CALR: variants seen among roughly 807,000 people sequenced by gnomAD.
The protein encoded by CALR is CRP55.
CALR carries 15 observed loss-of-function variants against 51.1 expected under a neutral mutation model. The observed-to-expected ratio is 0.29, with a 90% CI of 0.20 to 0.45. The LOEUF (loss-of-function observed/expected upper bound fraction) is 0.45, where lower values mean the gene tolerates loss of function less well. CALR is among the 20% of genes least tolerant of loss of function. CALR has a pLI of 1.00. For missense variants in CALR, 477 were observed against 530.6 expected, an observed-to-expected ratio of 0.90 and a Z score of 0.99; for synonymous variants, 239 against 205.9, an observed-to-expected ratio of 1.16 and a Z score of -1.38.
rs1568450018 is a variant in CALR, at chr19:12,944,089, C to CCTTT, written c.*176_*177insCTTT. ...CACTCTCCCCCACCCCCTCCCCGCC[C>CCTTT]TTTTTTTTTTTTTTTTTTAAACTGG... On this transcript the variant is annotated 3_prime_UTR_variant, in exon 9 of 9. Transcript: ENST00000316448. 6.6e-6 allele frequency: 4 copies of CCTTT among 602,112 alleles called. No homozygotes were observed. Among genetic ancestry groups the CCTTT allele is most frequent in the Admixed American group, 3.9e-5 (1 of 25,870 alleles). The allele number at this position is 602,112 out of a possible 1,614,324, so 37.3% of individuals were successfully genotyped here.
rs748690113 is a variant in CALR at position 12,938,637 on chromosome 19, G to A, written c.-43G>A. ...CGTACTGCAGAGCCGCTGCCGGAGG[G>A]TCGTTTTAAAGGGCCCGCGCGTTGC... is the stretch of plus-strand genomic sequence containing the variant. On this transcript the variant is annotated 5_prime_UTR_variant, in exon 1 of 9. Coordinates refer to ENST00000316448, the MANE Select transcript of CALR (RefSeq NM_004343.4). 1.4e-6 allele frequency: 2 copies of A among 1,480,026 alleles called. No individual in the cohort carries two copies. Among genetic ancestry groups the A allele is most frequent in the East Asian group, 4.7e-5 (2 of 42,130 alleles). 91.7% of individuals were successfully genotyped at this position (1,480,026 alleles called of 1,614,324 possible).
rs1599660476 is a variant in CALR, at chr19:12,940,782, C to T, written c.855C>T (p.Tyr285=). The part of the protein sequence containing the change: ...WKPRQIDNPD[Y]KGTWIHPEID... ...CCCGGCAGATCGACAACCCAGATTACAAGGGCACTTGGATCCACCCAGAAA... is the reference window on the plus strand; with the variant it reads ...CCCGGCAGATCGACAACCCAGATTATAAGGGCACTTGGATCCACCCAGAAA... The change falls in exon 7 of 9, where the codon TAC becomes TAT. Residue 285 remains tyrosine (Y), a synonymous_variant. Transcript: ENST00000316448. The T allele has an allele frequency of 5.6e-6, 9 of 1,614,032 alleles. No individual in the cohort carries two copies. In the East Asian group the frequency reaches 1.8e-4, roughly 32 times the overall value.
chr19:12,942,957 T>G (rs2146019652), intron 7 of CALR, among the ~76,000 whole-genome samples: 1 of 152,176 alleles, frequency 6.6e-6, no homozygotes, highest in East Asian at 1.9e-4. Flanking sequence ...AGTTTCACTA[T>G]GTTGCCCAGG....
chr19:12,940,199 G>A, intron 4 of CALR, 44 bp from the exon 5 acceptor site: 1 of 1,611,946 alleles, frequency 6.2e-7, no homozygotes, highest in Non-Finnish European at 8.5e-7. Context: ...TCAGAGGTCA[G>A]CCTCATTGGG....
chr19:12,939,382 TCGCGAGTCAAGGCCCAA>T, intron 2 of CALR, 29 bp from the exon 3 acceptor site: 1 of 1,594,376 alleles, frequency 6.3e-7, no homozygotes, highest in Non-Finnish European at 8.6e-7. Flanking sequence ...TCGAGGGTCC[TCGCGAGTCAAGGCCCAA>T]CGGTGACCTC....
chr19:12,944,256 C>T lies in CALR; in HGVS notation c.*343C>T. 1 of 440,822 alleles carries T rather than the reference C, an allele frequency of 2.3e-6. No homozygotes were observed. The highest frequency in any genetic ancestry group is 4.2e-6 in the Non-Finnish European group (1 of 239,208). 27.3% of individuals were successfully genotyped at this position (440,822 alleles called of 1,614,324 possible). On this transcript the variant is annotated 3_prime_UTR_variant, in exon 9 of 9. Coordinates refer to ENST00000316448, the MANE Select transcript of CALR (RefSeq NM_004343.4). ...GCAGTGGTGTGGAGAAGCCACAGGC[C>T]TGAGATTTCATCTGCTCTCCTTCCT...
chr19:12,943,077 C>CTTTT lies in CALR; in HGVS notation c.961-439_961-436dup, dbSNP rs56396276. ...CCTGGCTGTCTCTCCATCTTTCCAT[C>CTTTT]TTTTTTTTTTTTTTTTTTTTTTTTG... On this transcript the variant is annotated intron_variant, in intron 7 of 8. Transcript: ENST00000316448. The CTTTT allele has an allele frequency of 2.8e-3, 216 of 77,384 alleles. 8 individuals are homozygous for CTTTT. The highest frequency in any genetic ancestry group is 4.0e-3 in the East Asian group (9 of 2,244). 4.8% of individuals were successfully genotyped at this position (77,384 alleles called of 1,614,324 possible). A position where few individuals can be genotyped will look rare whatever the true frequency, so the allele number is the denominator to read the frequency against.
chr19:12,944,176 C>T lies in CALR; in HGVS notation c.*263C>T. 3.6e-6 allele frequency: 2 copies of T among 558,344 alleles called. No individual in the cohort carries two copies. Among genetic ancestry groups the T allele is most frequent in the Non-Finnish European group, 6.1e-6 (2 of 325,700 alleles). The allele number at this position is 558,344 out of a possible 1,614,324, so 34.6% of individuals were successfully genotyped here. ...GGTTCTCATCTTTCTTGATCAACAT[C>T]TTTTCTTGCCTCTGTCCCCTTCTCT... On this transcript the variant is annotated 3_prime_UTR_variant, in exon 9 of 9. Transcript: ENST00000316448.
intron 2 of CALR, 83 bp downstream of exon 2, chr19:12,939,318 C>G (rs565251905): frequency 2.1e-6 from 3 of 1,438,674 alleles, no homozygotes; most frequent in Non-Finnish European, 2.9e-6. Context: ...CCGGGACAGT[C>G]CCCTTGGAGG....
Position 12,938,696 on chromosome 19 carries a change from C to T in CALR, c.17C>T (p.Pro6Leu), listed in dbSNP as rs780662640. The T allele has an allele frequency of 1.1e-5, 17 of 1,610,962 alleles. No homozygotes were observed. The East Asian group carries it at 2.2e-4, about 21-fold the overall frequency. The change falls in exon 1 of 9, where the codon CCG becomes CTG. Residue 6 changes from proline to leucine, a missense_variant. Transcript: ENST00000316448. ...CGGCCCGCCATGCTGCTATCCGTGC[C>T]GCTGCTGCTCGGCCTCCTCGGCCTG... MLLSV[P>L]LLLGLLGLAV... is the part of the protein sequence containing the mutation.
At position 12,943,885 on chromosome 19, in the gene CALR, T is replaced by G. The variant is rs745819141; in HGVS notation, c.1226T>G (p.Val409Gly). 3.8e-5 allele frequency: 61 copies of G among 1,593,020 alleles called. No homozygotes were observed. The highest frequency in any genetic ancestry group is 5.1e-5 in the Non-Finnish European group (60 of 1,170,698). The change falls in exon 9 of 9, where the codon GTC becomes GGC. Residue 409 changes from valine (V) to glycine (G), a missense_variant. Val to Gly is a moderately radical substitution (Grantham distance 109). Transcript: ENST00000316448. The part of the protein sequence containing the change: ...EDKEEDEEED[V>G]PGQAKDEL ...AAGGAGGAAGATGAGGAGGAAGATGTCCCCGGCCAGGCCAAGGACGAGCTG... is the reference window on the plus strand; with the variant it reads ...AAGGAGGAAGATGAGGAGGAAGATGGCCCCGGCCAGGCCAAGGACGAGCTG...
Position 12,944,234 on chromosome 19 carries a change from G to A in CALR, c.*321G>A. ...TAGCTCCCCTCCAACCTGGGGGGCA[G>A]TGGTGTGGAGAAGCCACAGGCCTGA... is the stretch of plus-strand genomic sequence containing the variant. On this transcript the variant is annotated 3_prime_UTR_variant, in exon 9 of 9. Transcript: ENST00000316448. The A allele has an allele frequency of 2.1e-6, 1 of 472,016 alleles. No individual in the cohort carries two copies. Among genetic ancestry groups the A allele is most frequent in the Non-Finnish European group, 3.9e-6 (1 of 258,672 alleles). The allele number at this position is 472,016 out of a possible 1,614,324, so 29.2% of individuals were successfully genotyped here. A position where few individuals can be genotyped will look rare whatever the true frequency, so the allele number is the denominator to read the frequency against.
chr19:12,940,107 A>T lies in CALR; in HGVS notation c.452A>T (p.Lys151Met). ...TKKVHVIFNY[K>M]GKNVLINKDI... Reference sequence around the variant, plus strand: ...AAGGTTCATGTCATCTTCAACTACAAGGGCAAGAACGTGCTGATCAACAAG... The same window carrying T: ...AAGGTTCATGTCATCTTCAACTACATGGGCAAGAACGTGCTGATCAACAAG... Residue 151 changes from lysine (K) to methionine (M), a missense_variant, in exon 4 of 9, where the codon AAG (lysine) becomes ATG (methionine). Transcript: ENST00000316448. 6.2e-7 allele frequency: 1 copy of T among 1,614,208 alleles called. No individual in the cohort carries two copies.
intron 2 of CALR, 42 bp from the exon 3 acceptor site, chr19:12,939,386 G>A (rs758628312): frequency 6.3e-7 from 1 of 1,593,944 alleles, no homozygotes; most frequent in Non-Finnish European, 8.6e-7. Flanking sequence ...GGGTCCTCGC[G>A]AGTCAAGGCC....
At position 12,939,712 on chromosome 19, in the gene CALR, A is replaced by AT. The variant is rs576695214; in HGVS notation, c.397+89dup. The AT allele has an allele frequency of 1.5e-4, 188 of 1,259,748 alleles. No individual in the cohort carries two copies. The East Asian group carries it at 2.6e-3, about 18-fold the overall frequency. 78.0% of individuals were successfully genotyped at this position (1,259,748 alleles called of 1,614,324 possible). A position where few individuals can be genotyped will look rare whatever the true frequency, so the allele number is the denominator to read the frequency against. Reference sequence around the variant, plus strand: ...GACCCCATTGACTTTCTTAATAATGATTTTTTTTGGAAGGGGAGCTAAAAG... The same window carrying AT: ...GACCCCATTGACTTTCTTAATAATGATTTTTTTTTGGAAGGGGAGCTAAAAG... On this transcript the variant is annotated intron_variant, in intron 3 of 8. Transcript: ENST00000316448.
rs769245573 is a variant in CALR at position 12,940,626 on chromosome 19, C to T, written c.788C>T (p.Pro263Leu). 3.1e-6 allele frequency: 5 copies of T among 1,613,966 alleles called. No homozygotes were observed. Among genetic ancestry groups the T allele is most frequent in the African/African-American group, 1.3e-5 (1 of 74,892 alleles). Residue 263 changes from proline (P) to leucine (L), a missense_variant, in exon 6 of 9, where the codon CCC (proline) becomes CTC (leucine). Physicochemically the swap from Pro to Leu is moderately conservative, Grantham distance 98. Transcript: ENST00000316448. Reference sequence around the variant, plus strand: ...GAAGAGATGGACGGAGAGTGGGAACCCCCAGTGATTCAGAACCCTGAGTAC... The same window carrying T: ...GAAGAGATGGACGGAGAGTGGGAACTCCCAGTGATTCAGAACCCTGAGTAC... The part of the protein sequence containing the change: ...WDEEMDGEWE[P>L]PVIQNPEYKG...
At position 12,943,832 on chromosome 19, in the gene CALR, AGATGAG is replaced by A. The variant is rs1599662518; in HGVS notation, c.1182_1187del (p.Asp394_Glu395del). ...AGGACAAGGAGGATGATGAGGACAA[AGATGAG>A]GATGAGGAGGATGAGGAGGACAAGG... On this transcript the variant is annotated inframe_deletion, in exon 9 of 9. Coordinates refer to ENST00000316448, the MANE Select transcript of CALR (RefSeq NM_004343.4). The A allele has an allele frequency of 6.3e-7, 1 of 1,580,592 alleles. No homozygotes were observed. The highest frequency in any genetic ancestry group is 8.6e-7 in the Non-Finnish European group (1 of 1,162,984).
chr19:12,943,299 T>G, intron 7 of CALR: 1 of 537,196 alleles, frequency 1.9e-6, no homozygotes, highest in Non-Finnish European at 3.4e-6. Flanking sequence ...TTAGCCAGGG[T>G]GGTCTCGATC....
At chr19:12,939,317 T>G in intron 2 of CALR, 82 bp downstream of exon 2, 1 of 1,439,580 alleles carries the variant, frequency 6.9e-7, no homozygotes, top group Non-Finnish European at 9.7e-7. Flanking sequence ...GCCGGGACAG[T>G]CCCCTTGGAG....
Sources: allele counts gnomAD v4.1 joint callset (sites outside exome capture counted in the v4.1 genomes callset), GRCh38; gene constraint gnomAD v4.1.1; transcripts MANE v1.5; gene names NCBI Gene and HGNC (gene_info 2026-07-23, HGNC 2026-07-21).